The following SLC25A13 variants were observed in gnomAD, a reference collection of about 807,000 sequenced individuals.
SLC25A13 encodes the protein electrogenic aspartate/glutamate antiporter SLC25A13, mitochondrial.
Under a neutral mutation model 85.5 loss-of-function variants are expected in SLC25A13, and 70 were observed. The observed-to-expected ratio is 0.82, with a 90% CI of 0.68 to 1.00. The LOEUF (loss-of-function observed/expected upper bound fraction) is 1.00, where lower values mean the gene tolerates loss of function less well. SLC25A13 is among the 50% of genes least tolerant of loss of function. The pLI is 0.00. For missense variants in SLC25A13, 765 were observed against 819.8 expected (o/e 0.93, Z 0.82); for synonymous variants, 259 against 288.7 (o/e 0.90, Z 1.04).
rs1469947295 is a variant in SLC25A13, at chr7:96,285,051, A to G, written c.70-7713T>C. 2.6e-5 allele frequency among the ~76,000 whole-genome samples: 4 copies of G among 152,100 alleles called. No individual in the cohort carries two copies. The East Asian group carries it at 5.8e-4, about 22-fold the overall frequency. ...CTCTCACTTTCTCTGTTACTAATAC[A>G]ATAGCACGCATCATCTCTTTTCCTC... On this transcript the variant is annotated intron_variant, in intron 2 of 17. Coordinates refer to ENST00000265631, the MANE Select transcript of SLC25A13 (RefSeq NM_014251.3).
intron 1 of SLC25A13, among the ~76,000 whole-genome samples, chr7:96,307,239 C>A (rs774816347): frequency 1.7e-4 from 26 of 151,712 alleles, no homozygotes; most frequent in Non-Finnish European, 3.4e-4. Flanking sequence ...TAAGACAATA[C>A]GGGAAATGTG....
At chr7:96,321,736 G>C (rs940084998) in intron 1 of SLC25A13, among the ~76,000 whole-genome samples, 2 of 152,216 alleles carry the variant, frequency 1.3e-5, no homozygotes, top group African/African-American at 4.8e-5. Context: ...TCCGCTGCGA[G>C]GTCGGGCCTC....
chr7:96,224,411 C>T (rs1480163559), intron 4 of SLC25A13, among the ~76,000 whole-genome samples: 2 of 152,160 alleles, frequency 1.3e-5, no homozygotes, highest in Non-Finnish European at 2.9e-5. Flanking sequence ...CTGACAACCA[C>T]CCTCCCAAGT....
chr7:96,260,343 GAT>G (rs1289296290), intron 3 of SLC25A13, among the ~76,000 whole-genome samples: 2 of 151,914 alleles, frequency 1.3e-5, no homozygotes, highest in Non-Finnish European at 2.9e-5. Context: ...GGACAAAAGA[GAT>G]AATATAAAAG....
chr7:96,308,929 C>T (rs552864259), intron 1 of SLC25A13, among the ~76,000 whole-genome samples: 1 of 152,160 alleles, frequency 6.6e-6, no homozygotes, highest in Non-Finnish European at 1.5e-5. Context: ...CTGTTGGACA[C>T]CACAAATGGA....
At chr7:96,240,192 A>C (rs1306865276) in intron 3 of SLC25A13, among the ~76,000 whole-genome samples, 2 of 152,230 alleles carry the variant, frequency 1.3e-5, no homozygotes, top group Non-Finnish European at 2.9e-5. Flanking sequence ...GTTAAGTAAC[A>C]TAAGAGAACT....
chr7:96,153,393 G>A (rs1462538676), intron 13 of SLC25A13, among the ~76,000 whole-genome samples: 2 of 152,244 alleles, frequency 1.3e-5, no homozygotes, highest in Non-Finnish European at 2.9e-5. Flanking sequence ...TAACACAGAA[G>A]AGAAGATGAA....
At chr7:96,144,186 T>C (rs1792683308) in intron 14 of SLC25A13, among the ~76,000 whole-genome samples, 1 of 152,132 alleles carries the variant, frequency 6.6e-6, no homozygotes, top group Non-Finnish European at 1.5e-5. Flanking sequence ...GGGGTGGGGC[T>C]GGAGAAGAGA....
intron 4 of SLC25A13, among the ~76,000 whole-genome samples, chr7:96,226,902 A>G (rs1399655178): frequency 6.6e-6 from 1 of 152,100 alleles, no homozygotes; most frequent in Non-Finnish European, 1.5e-5. Flanking sequence ...GTCTTCCACC[A>G]TGATTTACTC....
At chr7:96,312,275 T>C (rs1027078109) in intron 1 of SLC25A13, among the ~76,000 whole-genome samples, 2 of 152,180 alleles carry the variant, frequency 1.3e-5, no homozygotes, top group Non-Finnish European at 2.9e-5. Context: ...ACAAATGAGT[T>C]TCTCGATGTA....
chr7:96,216,872 C>A (rs116260057), intron 4 of SLC25A13, among the ~76,000 whole-genome samples: 438 of 151,688 alleles, frequency 2.9e-3, no homozygotes, highest in African/African-American at 9.8e-3. Flanking sequence ...TATAATGAAC[C>A]TGCACATGTA....
chr7:96,121,477 G>T (rs1424342288), intron 17 of SLC25A13, 100 bp from the exon 18 acceptor site: 25 of 1,448,362 alleles, frequency 1.7e-5, no homozygotes, highest in Middle Eastern at 3.5e-4. Flanking sequence ...ATGTAAAGGA[G>T]TTGATACATT....
chr7:96,250,361 G>C (rs145443027), intron 3 of SLC25A13, among the ~76,000 whole-genome samples: 120 of 152,298 alleles, frequency 7.9e-4, no homozygotes, highest in African/African-American at 2.8e-3. Flanking sequence ...TAAATAACTT[G>C]AAGAATAATG....
chr7:96,304,567 T>C (rs1799670009), intron 1 of SLC25A13, among the ~76,000 whole-genome samples: 2 of 152,194 alleles, frequency 1.3e-5, no homozygotes, highest in Admixed American at 1.3e-4. Context: ...ATTTTACTAT[T>C]ATTGTTATTA....
rs528515754 is a variant in SLC25A13, at chr7:96,230,541, T to TCTC, written c.328+4258_328+4260dup. On this transcript the variant is annotated intron_variant, in intron 4 of 17. Coordinates refer to ENST00000265631, the MANE Select transcript of SLC25A13 (RefSeq NM_014251.3). Reference sequence around the variant, plus strand: ...ATACAAATGGAAACATTTAATTTTTTCTCCTCACATACAGAATCACAAATT... The same window carrying TCTC: ...ATACAAATGGAAACATTTAATTTTTTCTCCTCCTCACATACAGAATCACAAATT... 2.4e-4 allele frequency among the ~76,000 whole-genome samples: 36 copies of TCTC among 152,358 alleles called. 1 individual carries two copies. In the South Asian group the frequency reaches 7.0e-3, roughly 30 times the overall value.
chr7:96,290,159 C>T, intron 2 of SLC25A13, among the ~76,000 whole-genome samples: 1 of 152,168 alleles, frequency 6.6e-6, no homozygotes, highest in East Asian at 1.9e-4. Flanking sequence ...CCCAGAATTT[C>T]ATATCCAGCC....
chr7:96,154,592 C>T (rs184022442), intron 13 of SLC25A13, among the ~76,000 whole-genome samples: 15 of 152,120 alleles, frequency 9.9e-5, no homozygotes, highest in Non-Finnish European at 1.8e-4. Flanking sequence ...CCACTGCATC[C>T]GGCCGAGTAT....
intron 14 of SLC25A13, among the ~76,000 whole-genome samples, chr7:96,136,278 G>C (rs1792283192): frequency 6.6e-6 from 1 of 152,136 alleles, no homozygotes; most frequent in Non-Finnish European, 1.5e-5. Flanking sequence ...AATTAGATAG[G>C]CTTAGAGATT....
At chr7:96,297,072 C>G (rs537639909) in intron 1 of SLC25A13, 121 bp from the exon 2 acceptor site, 389 of 867,706 alleles carry the variant, frequency 4.5e-4, no homozygotes, top group Middle Eastern at 6.2e-4. Flanking sequence ...TACTTAAATA[C>G]CATGTTGCCC....
Sources: allele counts gnomAD v4.1 joint callset (sites outside exome capture counted in the v4.1 genomes callset), GRCh38; gene constraint gnomAD v4.1.1; transcripts MANE v1.5; gene names NCBI Gene and HGNC (gene_info 2026-07-23, HGNC 2026-07-21).